ZNF254: variants seen among roughly 807,000 people sequenced by gnomAD.
ZNF254 encodes the protein zinc finger protein 254.
Under a neutral mutation model 12.4 loss-of-function variants are expected in ZNF254, and 10 were observed. The ratio of observed to expected loss-of-function variants is 0.80; its 90% CI spans 0.50 to 1.36. The LOEUF is 1.36. Ranked by LOEUF, ZNF254 falls within the 40% of genes most tolerant of loss-of-function variation. ZNF254 has a pLI of 0.00. For synonymous variants in ZNF254, 305 were observed against 253.4 expected, an observed-to-expected ratio of 1.20 and a Z score of -1.93; for missense variants, 996 against 763.9, an observed-to-expected ratio of 1.30 and a Z score of -3.58.
chr19:24,096,558 G>C (rs1972684920), intron 1 of ZNF254, among the ~76,000 whole-genome samples: 1 of 152,128 alleles, frequency 6.6e-6, no homozygotes, highest in African/African-American at 2.4e-5. Flanking sequence ...TGAATTTGCT[G>C]AGGATTATTC....
Position 24,129,064 on chromosome 19 carries a change from A to G in ZNF254, c.*1084A>G, listed in dbSNP as rs1275929765. 6.6e-6 allele frequency: 1 copy of G among 151,976 alleles called. No individual in the cohort carries two copies. The highest frequency in any genetic ancestry group is 1.5e-5 in the Non-Finnish European group (1 of 67,892). The allele number at this position is 151,976 out of a possible 1,614,324, so 9.4% of individuals were successfully genotyped here. ...ATTATTTATGACCTTTTCTATGAAA[A>G]GATAAGGACATTAAAATGTAAGATG... On this transcript the variant is annotated 3_prime_UTR_variant, in exon 4 of 4. Transcript: ENST00000357002.
chr19:24,076,501 T>C (rs2145541579), intron 2 of ZNF254, among the ~76,000 whole-genome samples: 1 of 152,278 alleles, frequency 6.6e-6, no homozygotes, highest in Admixed American at 6.5e-5. Context: ...ATCTCCTATG[T>C]TATTCTGTGA....
At chr19:24,114,959 T>A (rs2145889593) in intron 3 of ZNF254, among the ~76,000 whole-genome samples, 1 of 152,400 alleles carries the variant, frequency 6.6e-6, no homozygotes, top group Non-Finnish European at 1.5e-5. Flanking sequence ...GAAATGCAAA[T>A]CAAAACCACA....
chr19:24,094,898 G>A (rs1972586098), intron 1 of ZNF254, among the ~76,000 whole-genome samples: 1 of 151,906 alleles, frequency 6.6e-6, no homozygotes, highest in South Asian at 2.1e-4. Context: ...TGTTAGCCAG[G>A]TTGATCTCAA....
chr19:24,034,488 GTTTTTTTT>G (rs963358053), intron 1 of ZNF254, among the ~76,000 whole-genome samples: 8 of 107,332 alleles, frequency 7.5e-5, no homozygotes, highest in South Asian at 6.5e-4. Flanking sequence ...AGGTAAGTGG[GTTTTTTTT>G]TTTTTTTTTT....
intron 1 of ZNF254, among the ~76,000 whole-genome samples, chr19:24,034,275 C>T (rs1202156447): frequency 6.8e-6 from 1 of 146,362 alleles, no homozygotes; most frequent in African/African-American, 2.5e-5. Context: ...GGAGCCTCTC[C>T]TGCAGATGTC....
intron 1 of ZNF254, among the ~76,000 whole-genome samples, chr19:24,102,224 A>C (rs1230323620): frequency 1.5e-5 from 2 of 135,464 alleles, no homozygotes; most frequent in African/African-American, 5.9e-5. Flanking sequence ...TAATAAACAA[A>C]ATTTGTTTTT....
chr19:24,045,509 A>G (rs2145239410), intron 1 of ZNF254, among the ~76,000 whole-genome samples: 1 of 151,976 alleles, frequency 6.6e-6, no homozygotes, highest in South Asian at 2.1e-4. Flanking sequence ...CTCTACTAAA[A>G]ATACAAAAAA....
chr19:24,063,486 A>AT (rs1426121730), intron 2 of ZNF254, among the ~76,000 whole-genome samples: 2 of 152,154 alleles, frequency 1.3e-5, no homozygotes, highest in African/African-American at 4.8e-5. Context: ...ATTGTGACAT[A>AT]TTGCTGGGCC....
intron 2 of ZNF254, among the ~76,000 whole-genome samples, chr19:24,077,556 C>T (rs1459849950): frequency 6.6e-6 from 1 of 152,200 alleles, no homozygotes; most frequent in Non-Finnish European, 1.5e-5. Flanking sequence ...CACTGAGCTC[C>T]TGGGTGATGT....
chr19:24,099,758 GTCTT>G (rs1972899234), intron 1 of ZNF254, among the ~76,000 whole-genome samples: 1 of 152,146 alleles, frequency 6.6e-6, no homozygotes, highest in Admixed American at 6.6e-5. Flanking sequence ...TATGGTAACT[GTCTT>G]TCTGTCTTTT....
intron 1 of ZNF254, among the ~76,000 whole-genome samples, chr19:24,043,150 T>C (rs1753492056): frequency 6.6e-6 from 1 of 152,146 alleles, no homozygotes; most frequent in African/African-American, 2.4e-5. Flanking sequence ...CATCTTTATT[T>C]TACAAGCATA....
At chr19:24,122,908 A>G (rs1974583653) in intron 3 of ZNF254, among the ~76,000 whole-genome samples, 2 of 152,082 alleles carry the variant, frequency 1.3e-5, no homozygotes, top group Admixed American at 1.3e-4. Flanking sequence ...TCACCTTTAT[A>G]CTCATACCAA....
intron 3 of ZNF254, among the ~76,000 whole-genome samples, chr19:24,109,676 T>G (rs1232691139): frequency 1.3e-5 from 2 of 151,958 alleles, no homozygotes. Context: ...ATATATTCTT[T>G]CTTAGCTAAT....
chr19:24,095,508 C>G (rs1972620397), intron 1 of ZNF254, among the ~76,000 whole-genome samples: 1 of 152,116 alleles, frequency 6.6e-6, no homozygotes, highest in African/African-American at 2.4e-5. Context: ...GTGAATCTGT[C>G]TGGTCCTTGG....
chr19:24,127,609 A>T lies in ZNF254; in HGVS notation c.1609A>T (p.Lys537Ter), dbSNP rs772200562. The change falls in exon 4 of 4, where the codon AAG becomes TAG. Residue 537 changes from lysine to a stop codon, truncating the protein, a stop_gained. Coordinates refer to ENST00000357002, the MANE Select transcript of ZNF254 (RefSeq NM_203282.4). LOFTEE classifies it low-confidence loss of function (END_TRUNC). Reference sequence around the variant, plus strand: ...CTGGTCCTCAACTCTTACTAAACATAAGATAATTCATACTGAAGAGAAACC... The same window carrying T: ...CTGGTCCTCAACTCTTACTAAACATTAGATAATTCATACTGAAGAGAAACC... ...FNWSSTLTKHKIIHTEEKPYK... is the reference protein window; with the variant it reads ...FNWSSTLTKH The T allele has an allele frequency of 5.0e-6, 8 of 1,608,374 alleles. No homozygotes were observed. In the South Asian group the frequency reaches 8.8e-5, roughly 18 times the overall value.
chr19:24,129,808 TC>T lies in ZNF254; in HGVS notation c.*1829del, dbSNP rs1975118460. ...AAAAATTTTATACAAACGTGTAAAA[TC>T]TATACATTTCTGAGTTCTGAATAAA... On this transcript the variant is annotated 3_prime_UTR_variant, in exon 4 of 4. Coordinates refer to ENST00000357002, the MANE Select transcript of ZNF254 (RefSeq NM_203282.4). 1 of 151,994 alleles carries T rather than the reference TC, an allele frequency of 6.6e-6. No individual in the cohort carries two copies. The highest frequency in any genetic ancestry group is 1.5e-5 in the Non-Finnish European group (1 of 67,942). The allele number at this position is 151,994 out of a possible 1,614,324, so 9.4% of individuals were successfully genotyped here.
chr19:24,115,634 C>G (rs915739635), intron 3 of ZNF254, among the ~76,000 whole-genome samples: 1 of 151,876 alleles, frequency 6.6e-6, no homozygotes, highest in Non-Finnish European at 1.5e-5. Flanking sequence ...TGTAACTAAC[C>G]TGCACATTGT....
chr19:24,048,003 C>T (rs143083084), intron 2 of ZNF254, among the ~76,000 whole-genome samples: 20 of 68,820 alleles, frequency 2.9e-4, no homozygotes, highest in Admixed American at 6.8e-4. Flanking sequence ...TTCTTTTCTT[C>T]TTTTTTTTTT....
Sources: allele counts gnomAD v4.1 joint callset (sites outside exome capture counted in the v4.1 genomes callset), GRCh38; gene constraint gnomAD v4.1.1; transcripts MANE v1.5; gene names NCBI Gene and HGNC (gene_info 2026-07-23, HGNC 2026-07-21).